CREBBP: variants seen among roughly 807,000 people sequenced by gnomAD.
CREBBP encodes CREB-binding protein.
CREBBP carries 19 observed loss-of-function variants against 265.0 expected under a neutral mutation model. The observed-to-expected ratio is 0.07, with a 90% confidence interval of 0.05 to 0.11. The LOEUF is 0.11. CREBBP is among the 10% of genes least tolerant of loss of function. The pLI, the probability that CREBBP is intolerant of heterozygous loss-of-function variation, is 1.00. For missense variants in CREBBP, 2,525 were observed against 3,219.0 expected (o/e 0.78, Z 5.22); for synonymous variants, 1,457 against 1,223.7 (o/e 1.19, Z -3.98).
intron 1 of CREBBP, among the ~76,000 whole-genome samples, chr16:3,876,602 C>T (rs2055408433): frequency 6.6e-6 from 1 of 152,026 alleles, no homozygotes; most frequent in Non-Finnish European, 1.5e-5. Flanking sequence ...AAAGTCCCCA[C>T]TTATTGTAAG....
rs1305378101 is a variant in CREBBP at position 3,725,963 on chromosome 16, G to GT, written c.*1754dup. 1 of 233,018 alleles carries GT rather than the reference G, an allele frequency of 4.3e-6. No homozygotes were observed. Among genetic ancestry groups the GT allele is most frequent in the Admixed American group, 5.6e-5 (1 of 17,762 alleles). 14.4% of individuals were successfully genotyped at this position (233,018 alleles called of 1,614,324 possible). ...CCATGGTCCTCCTCTCAGTTTTACGGTTTTTGTGAACTTGTCTCACCCACT... is the reference window on the plus strand; with the variant it reads ...CCATGGTCCTCCTCTCAGTTTTACGGTTTTTTGTGAACTTGTCTCACCCACT... On this transcript the variant is annotated 3_prime_UTR_variant, in exon 31 of 31. Transcript: ENST00000262367.
intron 27 of CREBBP, 90 bp from the exon 28 acceptor site, chr16:3,736,293 C>A: frequency 7.3e-7 from 1 of 1,378,914 alleles, no homozygotes; most frequent in Non-Finnish European, 1.0e-6. Flanking sequence ...GCGTGCCCCT[C>A]ACCATGGTGT....
At chr16:3,806,453 T>TA (rs763924641) in intron 3 of CREBBP, among the ~76,000 whole-genome samples, 2,614 of 141,690 alleles carry the variant, frequency 0.018, 49 homozygotes, top group African/African-American at 0.055. Flanking sequence ...ACGCAGTTCT[T>TA]AAAAAAAAAA....
At chr16:3,864,746 T>C (rs1179684960) in intron 1 of CREBBP, among the ~76,000 whole-genome samples, 5 of 152,180 alleles carry the variant, frequency 3.3e-5, no homozygotes, top group East Asian at 3.9e-4. Context: ...ACAACCTTAG[T>C]GTTACTCATC....
At chr16:3,767,969 T>G in intron 15 of CREBBP, 60 bp from the exon 16 acceptor site, 2 of 1,521,036 alleles carry the variant, frequency 1.3e-6, no homozygotes, top group Non-Finnish European at 1.8e-6. Context: ...TACCGCAACC[T>G]CACGGGAAGA....
Position 3,850,316 on chromosome 16 carries a change from T to A in CREBBP, c.779A>T (p.Gln260Leu). The A allele has an allele frequency of 6.2e-7, 1 of 1,614,238 alleles. No homozygotes were observed. Among genetic ancestry groups the A allele is most frequent in the Non-Finnish European group, 8.5e-7 (1 of 1,180,034 alleles). The change falls in exon 2 of 31, where the codon CAG becomes CTG. Residue 260 changes from glutamine (Q) to leucine (L), a missense_variant. By Grantham distance (113) the Gln-to-Leu change is moderately radical. Transcript: ENST00000262367. The stretch of plus-strand genomic sequence containing the variant: ...ACTTACCTTGGCCATGCCTCCTGCC[T>A]GTGCGGTGTTCAGTCCCGCGTGACC... Reference protein sequence around the residue: ...MTGHAGLNTAQAGGMAKMGIT... With the variant: ...MTGHAGLNTALAGGMAKMGIT...
intron 2 of CREBBP, among the ~76,000 whole-genome samples, chr16:3,844,307 ACT>A (rs2054623186): frequency 6.6e-6 from 1 of 152,110 alleles, no homozygotes; most frequent in African/African-American, 2.4e-5. Flanking sequence ...AGCAATTAAA[ACT>A]CAGCATTAAC....
chr16:3,774,793 A>G (rs1228967878), intron 11 of CREBBP, 100 bp from the exon 12 acceptor site: 14 of 1,447,104 alleles, frequency 9.7e-6, no homozygotes, highest in Non-Finnish European at 1.2e-5. Context: ...GATGGAACGC[A>G]CAGGCAACAG....
intron 5 of CREBBP, 26 bp downstream of exon 5, chr16:3,791,955 G>A: frequency 1.3e-6 from 2 of 1,558,656 alleles, no homozygotes; most frequent in Admixed American, 1.7e-5. Context: ...TCATCTCCAA[G>A]CTTCTCTGCC....
intron 28 of CREBBP, among the ~76,000 whole-genome samples, chr16:3,735,354 C>T (rs748870300): frequency 1.1e-4 from 17 of 152,060 alleles, no homozygotes; most frequent in South Asian, 2.1e-4. Context: ...TGGAGTGCAA[C>T]GGCGCAATCT....
intron 1 of CREBBP, among the ~76,000 whole-genome samples, chr16:3,872,645 C>A (rs1007469007): frequency 6.6e-6 from 1 of 152,176 alleles, no homozygotes; most frequent in Admixed American, 6.5e-5. Context: ...GAACGCTGAG[C>A]GCATGTGCTA....
chr16:3,736,477 C>G (rs1167375721), intron 27 of CREBBP, 173 bp downstream of exon 27: 1 of 1,000,094 alleles, frequency 1.0e-6, no homozygotes, highest in African/African-American at 1.6e-5. Context: ...AGGGGAAAGC[C>G]TCAATCAGCT....
chr16:3,856,458 C>T lies in CREBBP; in HGVS notation c.86-5449G>A, dbSNP rs116875660. On this transcript the variant is annotated intron_variant, in intron 1 of 30. Transcript: ENST00000262367. ...ACTGTTTTGGAGAGACAGGGTTTCG[C>T]CATGTTTCCCAGGCTTGCCAGCTAA... 1.8e-4 allele frequency among the ~76,000 whole-genome samples: 27 copies of T among 152,216 alleles called. 1 individual carries two copies. In the East Asian group the frequency reaches 5.0e-3, roughly 28 times the overall value.
intron 2 of CREBBP, among the ~76,000 whole-genome samples, chr16:3,818,148 T>C (rs2054072513): frequency 6.6e-6 from 1 of 151,546 alleles, no homozygotes; most frequent in South Asian, 2.1e-4. Context: ...CACTTATGAG[T>C]ATGCACCTGA....
chr16:3,745,308 C>A lies in CREBBP; in HGVS notation c.3883G>T (p.Val1295Phe), dbSNP rs559939930. 3 of 1,614,062 alleles carry A rather than the reference C, an allele frequency of 1.9e-6. No individual in the cohort carries two copies. The highest frequency in any genetic ancestry group is 1.1e-5 in the South Asian group (1 of 91,052). Residue 1295 changes from valine (V) to phenylalanine (F), a missense_variant, in exon 22 of 31, where the codon GTT becomes TTT. Physicochemically the swap from Val to Phe is conservative, Grantham distance 50. Coordinates refer to ENST00000262367, the MANE Select transcript of CREBBP (RefSeq NM_004380.3). ...GGCCAAATGATGTCATAGTGCAGAA[C>A]GCAAATCTGATGCATCTTCCGGCCA... The part of the protein sequence containing the change: ...ECGRKMHQIC[V>F]LHYDIIWPSG...
chr16:3,852,862 C>T (rs937853568), intron 1 of CREBBP, among the ~76,000 whole-genome samples: 9 of 152,104 alleles, frequency 5.9e-5, no homozygotes, highest in African/African-American at 2.2e-4. Context: ...CATCTCTACC[C>T]TCTCATTTCC....
chr16:3,769,814 T>C (rs1169585365), intron 14 of CREBBP, among the ~76,000 whole-genome samples: 1 of 151,952 alleles, frequency 6.6e-6, no homozygotes, highest in African/African-American at 2.4e-5. Flanking sequence ...GTGGAGTAAA[T>C]GAACATTACA....
intron 2 of CREBBP, among the ~76,000 whole-genome samples, chr16:3,842,919 T>A (rs2054592024): frequency 2.2e-5 from 3 of 134,638 alleles, no homozygotes; most frequent in African/African-American, 8.9e-5. Context: ...TGAGCTGAGA[T>A]CATGCCACTG....
intron 1 of CREBBP, among the ~76,000 whole-genome samples, chr16:3,856,774 C>T (rs924990221): frequency 6.6e-6 from 1 of 152,128 alleles, no homozygotes; most frequent in Non-Finnish European, 1.5e-5. Flanking sequence ...GCACTGTAAC[C>T]CAGAAGCAAA....
Sources: gnomAD v4.1 joint callset for allele counts (sites outside exome capture counted in the v4.1 genomes callset) on GRCh38, gnomAD v4.1.1 for gene constraint, MANE v1.5 for transcripts, NCBI Gene and HGNC (gene_info 2026-07-23, HGNC 2026-07-21) for gene names.